AARS1: variants seen among roughly 807,000 people sequenced by gnomAD.
AARS1 encodes alanine--tRNA ligase, cytoplasmic.
Under a neutral mutation model 108.9 loss-of-function variants are expected in AARS1, and 72 were observed. The ratio of observed to expected loss-of-function variants is 0.66; its 90% CI spans 0.55 to 0.80. The LOEUF (loss-of-function observed/expected upper bound fraction) is 0.80, where lower values mean the gene tolerates loss of function less well. AARS1 is among the 30% of genes least tolerant of loss of function. AARS1 has a pLI of 0.00. For synonymous variants in AARS1, 489 were observed against 465.7 expected (o/e 1.05, Z -0.64); for missense variants, 1,193 against 1,233.2 (o/e 0.97, Z 0.49).
intron 11 of AARS1, among the ~76,000 whole-genome samples, chr16:70,263,114 G>C (rs1960183935): frequency 6.6e-6 from 1 of 151,768 alleles, no homozygotes; most frequent in South Asian, 2.1e-4. Flanking sequence ...GCAGGCTTCA[G>C]TGTTAAAACT....
intron 1 of AARS1, among the ~76,000 whole-genome samples, chr16:70,287,175 A>G (rs1462227796): frequency 1.4e-5 from 2 of 147,058 alleles, no homozygotes; most frequent in Non-Finnish European, 3.0e-5. Context: ...GAATGGCGTG[A>G]ACCCGGGAGG....
chr16:70,282,841 A>G (rs1402836938), intron 1 of AARS1, 57 bp from the exon 2 acceptor site: 1 of 1,551,008 alleles, frequency 6.4e-7, no homozygotes, highest in Non-Finnish European at 8.9e-7. Flanking sequence ...CAAAGTACAC[A>G]TTACACAAGA....
At position 70,276,597 on chromosome 16, in the gene AARS1, G is replaced by A. The variant is rs1233928214; in HGVS notation, c.368C>T (p.Thr123Ile). The A allele has an allele frequency of 3.1e-6, 5 of 1,614,086 alleles. No homozygotes were observed. In the East Asian group the frequency reaches 1.1e-4, roughly 36 times the overall value. The change falls in exon 4 of 21, where the codon ACC becomes ATC. Residue 123 changes from threonine (T) to isoleucine (I), a missense_variant. Coordinates refer to ENST00000261772, the MANE Select transcript of AARS1 (RefSeq NM_001605.3). ...TTCAATGGGAATGCCAAACTCTTGG[G>A]TGAGGAGTTCCAGAGCCATCTTACA... ...LACKMALELL[T>I]QEFGIPIERL...
rs762546700 is a variant in AARS1, at chr16:70,269,623, C to T, written c.957G>A (p.Gly319=). 8.7e-6 allele frequency: 14 copies of T among 1,613,910 alleles called. No homozygotes were observed. The highest frequency in any genetic ancestry group is 1.1e-5 in the Non-Finnish European group (13 of 1,180,042). ...LADGGRPDNT[G]RGYVLRRILR... ...CCAGTGTGCAGCATACTTACCCACG[C>T]CCTGTGTTGTCAGGCCGGCCACCAT... Residue 319 remains glycine (G), a synonymous_variant, in exon 7 of 21, where the codon GGG becomes GGA. Transcript: ENST00000261772.
chr16:70,253,132 G>A (rs552080964), intron 20 of AARS1, 136 bp downstream of exon 20: 37 of 886,846 alleles, frequency 4.2e-5, no homozygotes, highest in South Asian at 2.7e-4. Context: ...CAATAAGAAG[G>A]CCTGGGTAAG....
At chr16:70,259,230 G>T in intron 13 of AARS1, 44 bp from the exon 14 acceptor site, 2 of 1,570,168 alleles carry the variant, frequency 1.3e-6, no homozygotes, top group South Asian at 1.1e-5. Flanking sequence ...GTAATAGACT[G>T]CTAGTTATCT....
At chr16:70,273,336 T>C (rs1166680587) in intron 4 of AARS1, among the ~76,000 whole-genome samples, 2 of 152,138 alleles carry the variant, frequency 1.3e-5, no homozygotes, top group Non-Finnish European at 2.9e-5. Context: ...ACTTCACAAA[T>C]TCGACCAAGT....
chr16:70,253,858 T>G, intron 18 of AARS1, 58 bp from the exon 19 acceptor site: 1 of 1,614,188 alleles, frequency 6.2e-7, no homozygotes, highest in Non-Finnish European at 8.5e-7. Flanking sequence ...CCCGAACCCC[T>G]GGCTGTTCTG....
intron 2 of AARS1, among the ~76,000 whole-genome samples, chr16:70,282,246 G>A (rs77145843): frequency 0.026 from 3,785 of 146,758 alleles, 161 homozygotes; most frequent in African/African-American, 0.09. Context: ...GGAGAATGGC[G>A]TGAATCCAGA....
At chr16:70,264,350 CTTG>C (rs893235985) in intron 11 of AARS1, among the ~76,000 whole-genome samples, 1 of 151,490 alleles carries the variant, frequency 6.6e-6, no homozygotes, top group African/African-American at 2.4e-5. Context: ...GAATTTCACT[CTTG>C]TTGTCCAGGC....
At chr16:70,262,996 A>AAAAAAAAAACAAC (rs1555540563) in intron 11 of AARS1, among the ~76,000 whole-genome samples, 1 of 129,062 alleles carries the variant, frequency 7.7e-6, no homozygotes, top group Non-Finnish European at 1.6e-5. Flanking sequence ...AAAAAAAAAA[A>AAAAAAAAAACAAC]AACAACAACA....
In AARS1 at chr16:70,253,558, T is replaced by C. The variant is rs1046038354; in HGVS notation, c.2607+156A>G. Reference sequence around the variant, plus strand: ...GGCCCTGCCCCTACCCTGGCCCAGGTATGCCTCCCACATGCAGGGAGCTGC... The same window carrying C: ...GGCCCTGCCCCTACCCTGGCCCAGGCATGCCTCCCACATGCAGGGAGCTGC... On this transcript the variant is annotated intron_variant, in intron 19 of 20. Coordinates refer to ENST00000261772, the MANE Select transcript of AARS1 (RefSeq NM_001605.3). 4.7e-6 allele frequency: 5 copies of C among 1,057,560 alleles called. No individual in the cohort carries two copies. In the Admixed American group the frequency reaches 1.0e-4, roughly 21 times the overall value. 65.5% of individuals were successfully genotyped at this position (1,057,560 alleles called of 1,614,324 possible).
chr16:70,286,157 CATTT>C (rs965443108), intron 1 of AARS1, among the ~76,000 whole-genome samples: 1 of 151,646 alleles, frequency 6.6e-6, no homozygotes, highest in Non-Finnish European at 1.5e-5. Flanking sequence ...TGTTTACCCC[CATTT>C]ATTTATTCAA....
At chr16:70,283,846 T>C (rs1162430354) in intron 1 of AARS1, among the ~76,000 whole-genome samples, 1 of 152,124 alleles carries the variant, frequency 6.6e-6, no homozygotes, top group Non-Finnish European at 1.5e-5. Flanking sequence ...TAGCCCCACT[T>C]TGGAGGCACA....
At chr16:70,263,036 C>G (rs1182352364) in intron 11 of AARS1, among the ~76,000 whole-genome samples, 2 of 134,584 alleles carry the variant, frequency 1.5e-5, no homozygotes, top group South Asian at 5.1e-4. Flanking sequence ...GGCTTTCCAT[C>G]AAAGAATGCA....
In AARS1 at chr16:70,267,701, C is replaced by T; in HGVS notation, c.1180G>A (p.Asp394Asn). The part of the protein sequence containing the change: ...KTLSRGRRIL[D>N]RKIQSLGDSK... ...TCTCCCAGGCTCTGAATTTTCCTGT[C>T]CAGGATGCGACGCCCTCTGCTGAGA... is the stretch of plus-strand genomic sequence containing the variant. The change falls in exon 9 of 21, where the codon GAC (aspartate) becomes AAC (asparagine). Residue 394 changes from aspartate to asparagine, a missense_variant. Asp to Asn is a conservative substitution (Grantham distance 23). Coordinates refer to ENST00000261772, the MANE Select transcript of AARS1 (RefSeq NM_001605.3). 3 of 1,614,148 alleles carry T rather than the reference C, an allele frequency of 1.9e-6. No homozygotes were observed. The highest frequency in any genetic ancestry group is 1.1e-5 in the South Asian group (1 of 91,080).
At chr16:70,261,249 C>T (rs1351082072) in intron 12 of AARS1, 92 bp from the exon 13 acceptor site, 38 of 869,624 alleles carry the variant, frequency 4.4e-5, no homozygotes, top group Non-Finnish European at 7.4e-6. Context: ...TATATAACTT[C>T]TCTTTACATA....
intron 1 of AARS1, among the ~76,000 whole-genome samples, chr16:70,285,952 T>C (rs1466262622): frequency 6.6e-6 from 1 of 152,196 alleles, no homozygotes; most frequent in Non-Finnish European, 1.5e-5. Context: ...CACATGAATT[T>C]CCCATTTTTG....
chr16:70,276,654 G>T (rs1200172641), intron 3 of AARS1, 23 bp from the exon 4 acceptor site: 2 of 1,613,230 alleles, frequency 1.2e-6, no homozygotes, highest in East Asian at 2.2e-5. Flanking sequence ...CAGAGAGAAA[G>T]ATATGGAACA....
Sources: allele counts gnomAD v4.1 joint callset (sites outside exome capture counted in the v4.1 genomes callset), GRCh38; gene constraint gnomAD v4.1.1; transcripts MANE v1.5; gene names NCBI Gene and HGNC (gene_info 2026-07-23, HGNC 2026-07-21).